Variants in CACNA2D3 observed in about 807,000 individuals in gnomAD.
CACNA2D3 encodes the protein calcium voltage-gated channel auxiliary subunit alpha2delta 3.
In CACNA2D3, 60 loss-of-function variants were observed where a neutral mutation model predicts 160.6. The ratio of observed to expected loss-of-function variants is 0.37; its 90% confidence interval spans 0.30 to 0.46. CACNA2D3 has a LOEUF of 0.46. CACNA2D3 is among the 20% of genes least tolerant of loss of function. The probability of loss-of-function intolerance (pLI) is 1.00; values close to 1 mark genes in which losing one functional copy is unlikely to be tolerated. For missense variants in CACNA2D3, 1,205 were observed against 1,365.0 expected (o/e 0.88, Z 1.85); for synonymous variants, 558 against 492.9 (o/e 1.13, Z -1.75).
chr3:54,703,259 A>AAAAAT (rs1307175118), intron 11 of CACNA2D3, among the ~76,000 whole-genome samples: 1 of 152,156 alleles, frequency 6.6e-6, no homozygotes, highest in Non-Finnish European at 1.5e-5. Flanking sequence ...AAAAGGATAA[A>AAAAAT]AAAATAAATA....
intron 9 of CACNA2D3, among the ~76,000 whole-genome samples, chr3:54,622,220 G>C (rs1229739941): frequency 5.3e-5 from 8 of 152,152 alleles, no homozygotes; most frequent in African/African-American, 1.9e-4. Flanking sequence ...GGGTTCAGTT[G>C]GTAAATGGTA....
chr3:54,155,982 C>G (rs1299776833), intron 2 of CACNA2D3, among the ~76,000 whole-genome samples: 2 of 152,146 alleles, frequency 1.3e-5, no homozygotes, highest in African/African-American at 4.8e-5. Context: ...TTACCAAACA[C>G]GTTATTCTCT....
At chr3:55,031,557 G>T (rs1326934952) in intron 35 of CACNA2D3, among the ~76,000 whole-genome samples, 1 of 152,236 alleles carries the variant, frequency 6.6e-6, no homozygotes, top group South Asian at 2.1e-4. Flanking sequence ...GTTTTTTAAT[G>T]ATCAGCTTTT....
intron 3 of CACNA2D3, among the ~76,000 whole-genome samples, chr3:54,342,008 A>C (rs934540483): frequency 6.6e-6 from 1 of 152,178 alleles, no homozygotes; most frequent in African/African-American, 2.4e-5. Flanking sequence ...AGATGTTGCT[A>C]TCTCTCCATC....
intron 13 of CACNA2D3, among the ~76,000 whole-genome samples, chr3:54,767,802 A>G (rs1702251036): frequency 6.6e-6 from 1 of 152,210 alleles, no homozygotes; most frequent in African/African-American, 2.4e-5. Context: ...AGAGGCTCTC[A>G]TTGGTCAAAT....
intron 11 of CACNA2D3, among the ~76,000 whole-genome samples, chr3:54,731,610 G>A (rs1020756320): frequency 6.6e-6 from 1 of 152,098 alleles, no homozygotes; most frequent in Admixed American, 6.6e-5. Context: ...AGTCAGAAGT[G>A]TCATGATGAA....
At chr3:54,129,466 A>G (rs1699662852) in intron 2 of CACNA2D3, among the ~76,000 whole-genome samples, 1 of 152,252 alleles carries the variant, frequency 6.6e-6, no homozygotes, top group Admixed American at 6.5e-5. Flanking sequence ...TATGTTGCAT[A>G]GCTTCCCAGT....
intron 2 of CACNA2D3, among the ~76,000 whole-genome samples, chr3:54,228,852 C>T (rs1348990392): frequency 6.6e-6 from 1 of 152,184 alleles, no homozygotes; most frequent in African/African-American, 2.4e-5. Flanking sequence ...GCCAGAGCGA[C>T]ACAGTGCCCT....
chr3:54,141,047 T>A (rs980775099), intron 2 of CACNA2D3, among the ~76,000 whole-genome samples: 3 of 104,068 alleles, frequency 2.9e-5, no homozygotes, highest in Non-Finnish European at 5.9e-5. Context: ...CACTGTCTGA[T>A]CTGCAGGTGA....
intron 11 of CACNA2D3, among the ~76,000 whole-genome samples, chr3:54,705,147 C>T (rs899885141): frequency 4.6e-5 from 7 of 152,154 alleles, no homozygotes; most frequent in African/African-American, 1.4e-4. Context: ...TTCAAATGTA[C>T]TGAATACCCA....
chr3:54,629,125 A>G (rs1377127044), intron 10 of CACNA2D3, among the ~76,000 whole-genome samples: 1 of 152,102 alleles, frequency 6.6e-6, no homozygotes, highest in Non-Finnish European at 1.5e-5. Context: ...GAGAACAAAC[A>G]GGCACTAAAT....
chr3:54,380,389 C>T (rs1699080793), intron 3 of CACNA2D3, among the ~76,000 whole-genome samples: 1 of 152,180 alleles, frequency 6.6e-6, no homozygotes, highest in African/African-American at 2.4e-5. Context: ...GCTAGGATCG[C>T]ATTAGTCCCA....
At chr3:54,866,407 C>T (rs994368080) in intron 17 of CACNA2D3, among the ~76,000 whole-genome samples, 7 of 152,122 alleles carry the variant, frequency 4.6e-5, no homozygotes, top group African/African-American at 7.2e-5. Context: ...CTGAGGACTG[C>T]GGCTGCCTGG....
intron 27 of CACNA2D3, among the ~76,000 whole-genome samples, chr3:54,937,387 G>T (rs926808681): frequency 6.6e-6 from 1 of 152,154 alleles, no homozygotes; most frequent in Non-Finnish European, 1.5e-5. Context: ...GAGGGGGATT[G>T]GTTCCAGCAA....
chr3:54,574,745 T>C (rs1702554772), intron 8 of CACNA2D3, among the ~76,000 whole-genome samples: 1 of 152,228 alleles, frequency 6.6e-6, no homozygotes, highest in Non-Finnish European at 1.5e-5. Context: ...GATGTTGAAA[T>C]TTGAAAAATG....
chr3:54,303,295 G>T (rs1332946726), intron 2 of CACNA2D3, among the ~76,000 whole-genome samples: 1 of 152,168 alleles, frequency 6.6e-6, no homozygotes, highest in South Asian at 2.1e-4. Flanking sequence ...TAAGACATCA[G>T]TGGTTGACTT....
intron 13 of CACNA2D3, among the ~76,000 whole-genome samples, chr3:54,785,512 T>G (rs902278779): frequency 6.6e-6 from 1 of 152,332 alleles, no homozygotes; most frequent in Non-Finnish European, 1.5e-5. Context: ...TGGGAACAGA[T>G]CTCTTATGTT....
At chr3:54,626,466 C>A (rs966061043) in intron 9 of CACNA2D3, 2 of 1,603,184 alleles carry the variant, frequency 1.2e-6, no homozygotes, top group African/African-American at 2.7e-5. Flanking sequence ...ACGTGATCAT[C>A]CTGCCCGAGA....
chr3:54,366,610 G>A (rs1698832089), intron 3 of CACNA2D3, among the ~76,000 whole-genome samples: 1 of 152,142 alleles, frequency 6.6e-6, no homozygotes, highest in Admixed American at 6.5e-5. Context: ...AAATGATGTA[G>A]GCACTGTGCC....
Sources: allele counts gnomAD v4.1 joint callset (sites outside exome capture counted in the v4.1 genomes callset), GRCh38; gene constraint gnomAD v4.1.1; transcripts MANE v1.5; gene names NCBI Gene and HGNC (gene_info 2026-07-23, HGNC 2026-07-21).